The following CCN3 variants were observed in gnomAD, a reference collection of about 807,000 sequenced individuals.
CCN3 encodes the protein CCN family member 3.
CCN3 carries 20 observed loss-of-function variants against 33.4 expected under a neutral mutation model. That is an observed-to-expected ratio of 0.60 (90% CI 0.42 to 0.87). The LOEUF (loss-of-function observed/expected upper bound fraction) is 0.87. CCN3 is among the 40% of genes least tolerant of loss of function. CCN3 has a pLI of 0.00. For synonymous variants in CCN3, 205 were observed against 170.4 expected (o/e 1.20, Z -1.58); for missense variants, 465 against 455.3 (o/e 1.02, Z -0.19).
chr8:119,421,856 T>C (rs1209340049), intron 4 of CCN3, among the ~76,000 whole-genome samples: 1 of 152,234 alleles, frequency 6.6e-6, no homozygotes. Flanking sequence ...CAATTGTTCT[T>C]TCTATGAATG....
Position 119,423,333 on chromosome 8 carries a change from A to G in CCN3, c.*201A>G. ...TTAACTGTAAACTTGGAATCAAGGT[A>G]AGCTCAGGATATGGCTTAGGAATGA... is the stretch of plus-strand genomic sequence containing the variant. On this transcript the variant is annotated 3_prime_UTR_variant, in exon 5 of 5. Transcript: ENST00000259526. 1 of 538,980 alleles carries G rather than the reference A, an allele frequency of 1.9e-6. No homozygotes were observed. The highest frequency in any genetic ancestry group is 3.2e-5 in the Admixed American group (1 of 30,934). 33.4% of individuals were successfully genotyped at this position (538,980 alleles called of 1,614,324 possible). A position where few individuals can be genotyped will look rare whatever the true frequency, so the allele number is the denominator to read the frequency against.
chr8:119,423,011 G>A lies in CCN3; in HGVS notation c.953G>A (p.Gly318Glu), dbSNP rs146003493. 7.0e-5 allele frequency: 113 copies of A among 1,614,024 alleles called. No individual in the cohort carries two copies. The African/African-American group carries it at 1.1e-3, about 16-fold the overall frequency. The change falls in exon 5 of 5, where the codon GGG becomes GAG. Residue 318 changes from glycine (G) to glutamate (E), a missense_variant. Physicochemically the swap from Gly to Glu is moderately conservative, Grantham distance 98 (BLOSUM62 -2). Coordinates refer to ENST00000259526, the MANE Select transcript of CCN3 (RefSeq NM_002514.4). ...TIQAEFQCSP[G>E]QIVKKPVMVI... ...CAGGCAGAGTTTCAGTGCTCCCCAGGGCAAATAGTCAAGAAGCCAGTGATG... is the reference window on the plus strand; with the variant it reads ...CAGGCAGAGTTTCAGTGCTCCCCAGAGCAAATAGTCAAGAAGCCAGTGATG...
rs754315355 is a variant in CCN3, at chr8:119,416,872, T to C, written c.213T>C (p.Arg71=). 1.1e-5 allele frequency: 18 copies of C among 1,613,640 alleles called. No homozygotes were observed. Among genetic ancestry groups the C allele is most frequent in the Non-Finnish European group, 3.4e-6 (4 of 1,179,990 alleles). The stretch of plus-strand genomic sequence containing the variant: ...GCTGTCTGGTGTGTGCCCGCCAGCG[T>C]GGCGAGAGCTGCTCAGATCTGGAGC... The part of the protein sequence containing the change: ...CSCCLVCARQ[R]GESCSDLEPC... Residue 71 remains arginine, a synonymous_variant, in exon 2 of 5, where the codon CGT becomes CGC. Transcript: ENST00000259526.
At chr8:119,421,086 T>C (rs1369454616) in intron 4 of CCN3, among the ~76,000 whole-genome samples, 1 of 141,384 alleles carries the variant, frequency 7.1e-6, no homozygotes, top group African/African-American at 2.7e-5. Context: ...TGGCACAATC[T>C]TGGCTCACCG....
At chr8:119,420,333 G>A (rs1032420711) in intron 4 of CCN3, among the ~76,000 whole-genome samples, 2 of 152,056 alleles carry the variant, frequency 1.3e-5, no homozygotes, top group Non-Finnish European at 2.9e-5. Context: ...AACTTGTCAC[G>A]ATGATTACAT....
rs564810509 is a variant in CCN3, at chr8:119,416,501, G to T, written c.-32G>T. The T allele has an allele frequency of 2.5e-6, 4 of 1,608,516 alleles. No homozygotes were observed. In the South Asian group the frequency reaches 4.4e-5, roughly 18 times the overall value. On this transcript the variant is annotated 5_prime_UTR_variant, in exon 1 of 5. Coordinates refer to ENST00000259526, the MANE Select transcript of CCN3 (RefSeq NM_002514.4). ...GCCAATCTACAGCGAAGAAAGTCTC[G>T]TTTGGTAAAAGCGAGAGGGGAAAGC... is the stretch of plus-strand genomic sequence containing the variant.
At chr8:119,418,813 T>C (rs975272376) in intron 3 of CCN3, among the ~76,000 whole-genome samples, 11 of 152,168 alleles carry the variant, frequency 7.2e-5, no homozygotes, top group Admixed American at 2.0e-4. Context: ...ATTCTTATTT[T>C]TGTTTTCTCT....
In CCN3 at chr8:119,424,368, T is replaced by C. The variant is rs138474585; in HGVS notation, c.*1236T>C. The C allele has an allele frequency of 1.4e-4, 22 of 152,374 alleles. No homozygotes were observed. The highest frequency in any genetic ancestry group is 2.8e-4 in the Non-Finnish European group (19 of 68,038). The allele number at this position is 152,374 out of a possible 1,614,324, so 9.4% of individuals were successfully genotyped here. ...GATTTTATTGCTGCGTGACTCTGTA[T>C]TACTTTGGTGCATAAAAGTTGAACA... On this transcript the variant is annotated 3_prime_UTR_variant, in exon 5 of 5. Transcript: ENST00000259526.
rs942579392 is a variant in CCN3 at position 119,418,174 on chromosome 8, C to T, written c.427C>T (p.Arg143Cys). ...AGATGGGCAGATTGGCTGTGTGCCC[C>T]GCTGTCAGCTGGATGTGCTACTGCC... ...CRDGQIGCVP[R>C]CQLDVLLPEP... Residue 143 changes from arginine to cysteine, a missense_variant, in exon 3 of 5, where the codon CGC becomes TGC. Arg to Cys is a radical substitution (Grantham distance 180, BLOSUM62 -3). Transcript: ENST00000259526. The T allele has an allele frequency of 4.3e-6, 7 of 1,614,058 alleles. No homozygotes were observed. In the East Asian group the frequency reaches 6.7e-5, roughly 15 times the overall value.
chr8:119,420,691 A>G (rs1820110968), intron 4 of CCN3, among the ~76,000 whole-genome samples: 1 of 152,202 alleles, frequency 6.6e-6, no homozygotes, highest in Non-Finnish European at 1.5e-5. Context: ...GTTATCCTGT[A>G]CCATTTTGTG....
intron 4 of CCN3, among the ~76,000 whole-genome samples, chr8:119,421,899 AG>A (rs1420610529): frequency 1.3e-5 from 2 of 152,248 alleles, no homozygotes; most frequent in Non-Finnish European, 2.9e-5. Flanking sequence ...ACTGTTAATA[AG>A]GTTGAGTTAA....
chr8:119,419,675 A>G (rs1820098262), intron 4 of CCN3, among the ~76,000 whole-genome samples: 1 of 152,230 alleles, frequency 6.6e-6, no homozygotes, highest in Non-Finnish European at 1.5e-5. Context: ...AGCACAGCTG[A>G]TTCTAAAGAG....
chr8:119,419,949 T>C (rs2130455350), intron 4 of CCN3: 1 of 153,162 alleles, frequency 6.5e-6, no homozygotes, highest in South Asian at 2.1e-4. Context: ...TTTGTTGGAA[T>C]TACATCAACT....
chr8:119,419,258 T>C lies in CCN3; in HGVS notation c.690T>C (p.Asn230=), dbSNP rs748799661. The change falls in exon 4 of 5, where the codon AAT becomes AAC. Residue 230 remains asparagine (N), a synonymous_variant. Coordinates refer to ENST00000259526, the MANE Select transcript of CCN3 (RefSeq NM_002514.4). ...TGGGGTTCTCCACCCGGGTCACCAATAGGAACCGTCAATGTGAGATGCTGA... is the reference window on the plus strand; with the variant it reads ...TGGGGTTCTCCACCCGGGTCACCAACAGGAACCGTCAATGTGAGATGCTGA... ...CGMGFSTRVT[N]RNRQCEMLKQ... 99 of 1,614,048 alleles carry C rather than the reference T, an allele frequency of 6.1e-5. No individual in the cohort carries two copies. In the Admixed American group the frequency reaches 6.7e-4, roughly 11 times the overall value.
chr8:119,422,806 T>G (rs745935454), intron 4 of CCN3, 30 bp from the exon 5 acceptor site: 1 of 1,561,074 alleles, frequency 6.4e-7, no homozygotes, highest in Non-Finnish European at 8.7e-7. Flanking sequence ...TGGTAGCCAT[T>G]CAATACATCA....
At position 119,422,853 on chromosome 8, in the gene CCN3, C is replaced by T. The variant is rs754479308; in HGVS notation, c.795C>T (p.Leu265=). 1 of 1,607,166 alleles carries T rather than the reference C, an allele frequency of 6.2e-7. No individual in the cohort carries two copies. Among genetic ancestry groups the T allele is most frequent in the Non-Finnish European group, 8.5e-7 (1 of 1,175,694 alleles). Residue 265 remains leucine, a synonymous_variant, in exon 5 of 5, where the codon CTC becomes CTT. Transcript: ENST00000259526. ...QPTDKKGKKC[L]RTKKSLKAIH... is the part of the protein sequence containing the mutation. ...TTTCTTAGAAAGGAAAAAAGTGTCT[C>T]CGCACCAAGAAGTCACTCAAAGCCA... is the stretch of plus-strand genomic sequence containing the variant.
At position 119,417,534 on chromosome 8, in the gene CCN3, G is replaced by C. The variant is rs528257195; in HGVS notation, c.311-524G>C. On this transcript the variant is annotated intron_variant, in intron 2 of 4. Coordinates refer to ENST00000259526, the MANE Select transcript of CCN3 (RefSeq NM_002514.4). ...TCAGTCGGGGATCAATTTTTCACAT[G>C]ATACAACATTGTAGTTGAAGATTGT... 4.6e-5 allele frequency among the ~76,000 whole-genome samples: 7 copies of C among 152,286 alleles called. No individual in the cohort carries two copies. In the East Asian group the frequency reaches 1.4e-3, roughly 29 times the overall value.
At chr8:119,416,717 G>T in intron 1 of CCN3, 27 bp from the exon 2 acceptor site, 1 of 1,576,690 alleles carries the variant, frequency 6.3e-7, no homozygotes, top group South Asian at 1.1e-5. Context: ...CAGCTGAGTG[G>T]TTTCTCCTTG....
chr8:119,416,481 T>C lies in CCN3; in HGVS notation c.-52T>C. The C allele has an allele frequency of 1.3e-6, 2 of 1,568,748 alleles. No homozygotes were observed. Among genetic ancestry groups the C allele is most frequent in the Non-Finnish European group, 1.7e-6 (2 of 1,143,392 alleles). ...CCAGGGGGAAGGCGAGCAGTGCCAATCTACAGCGAAGAAAGTCTCGTTTGG... is the reference window on the plus strand; with the variant it reads ...CCAGGGGGAAGGCGAGCAGTGCCAACCTACAGCGAAGAAAGTCTCGTTTGG... On this transcript the variant is annotated 5_prime_UTR_variant, in exon 1 of 5. Coordinates refer to ENST00000259526, the MANE Select transcript of CCN3 (RefSeq NM_002514.4).
Sources: gnomAD v4.1 joint callset for allele counts (sites outside exome capture counted in the v4.1 genomes callset) on GRCh38, gnomAD v4.1.1 for gene constraint, MANE v1.5 for transcripts, NCBI Gene and HGNC (gene_info 2026-07-23, HGNC 2026-07-21) for gene names.